Variants in AFTPH observed in about 807,000 individuals in gnomAD.
AFTPH encodes the protein aftiphilin protein.
In AFTPH, 7 loss-of-function variants were observed where a neutral mutation model predicts 72.5. The ratio of observed to expected loss-of-function variants is 0.10; its 90% CI spans 0.05 to 0.18. The LOEUF (loss-of-function observed/expected upper bound fraction) is 0.18, where lower values mean the gene tolerates loss of function less well. Among genes scored for constraint, AFTPH ranks in the 10% least tolerant of loss-of-function variants. The pLI is 1.00. For missense variants in AFTPH, 979 were observed against 1,060.5 expected (o/e 0.92, Z 1.07); for synonymous variants, 337 against 370.1 (o/e 0.91, Z 1.03).
chr2:64,573,259 CAG>C (rs1323944332), intron 6 of AFTPH, among the ~76,000 whole-genome samples, 191 bp downstream of exon 6: 1 of 151,986 alleles, frequency 6.6e-6, no homozygotes, highest in East Asian at 1.9e-4. Flanking sequence ...TTTTCAAAAA[CAG>C]AAAAGCACAA....
At chr2:64,576,757 C>CT (rs200789807) in intron 6 of AFTPH, among the ~76,000 whole-genome samples, 36 of 151,326 alleles carry the variant, frequency 2.4e-4, no homozygotes, top group African/African-American at 6.3e-4. Context: ...TCCATGCTCA[C>CT]TTTTTTTTTG....
At chr2:64,579,758 G>GTTAGGTAAAATT (rs1673055000) in intron 7 of AFTPH, 1 of 401,138 alleles carries the variant, frequency 2.5e-6, no homozygotes, top group Admixed American at 4.3e-5. Context: ...GGTAATAGTA[G>GTTAGGTAAAATT]TTAGGTAAAA....
intron 2 of AFTPH, among the ~76,000 whole-genome samples, chr2:64,566,867 A>G (rs990001615): frequency 6.6e-6 from 1 of 152,170 alleles, no homozygotes; most frequent in African/African-American, 2.4e-5. Flanking sequence ...GTAGTGTAGT[A>G]TTCTATTCAA....
At chr2:64,584,341 GATTTTTTAAATCA>G (rs897482352) in intron 7 of AFTPH, among the ~76,000 whole-genome samples, 3 of 151,974 alleles carry the variant, frequency 2.0e-5, no homozygotes, top group African/African-American at 4.8e-5. Flanking sequence ...AGATGGGGGA[GATTTTTTAAATCA>G]ATTTTTGCAA....
At chr2:64,531,529 A>G (rs529905877) in intron 1 of AFTPH, among the ~76,000 whole-genome samples, 4 of 152,216 alleles carry the variant, frequency 2.6e-5, no homozygotes, top group Admixed American at 2.0e-4. Flanking sequence ...GCTTAATGCC[A>G]TGCTCTTTTT....
At position 64,541,159 on chromosome 2, in the gene AFTPH, A is replaced by G. The variant is rs1465589990; in HGVS notation, c.-32-10284A>G. 2.0e-5 allele frequency among the ~76,000 whole-genome samples: 3 copies of G among 152,150 alleles called. No homozygotes were observed. The South Asian group carries it at 6.2e-4, about 31-fold the overall frequency. On this transcript the variant is annotated intron_variant, in intron 1 of 8. Transcript: ENST00000238856. Reference sequence around the variant, plus strand: ...ATATGATAGTATGAGGAGATAATTGAGATAACTCACGAGTTCTCTTCACAT... The same window carrying G: ...ATATGATAGTATGAGGAGATAATTGGGATAACTCACGAGTTCTCTTCACAT...
intron 7 of AFTPH, among the ~76,000 whole-genome samples, chr2:64,583,464 T>A (rs1056261590): frequency 4.6e-5 from 7 of 152,078 alleles, no homozygotes; most frequent in Admixed American, 3.3e-4. Flanking sequence ...TCTTTTTTTT[T>A]AATCTGCCTC....
chr2:64,570,527 G>GT (rs1672350375), intron 5 of AFTPH, among the ~76,000 whole-genome samples: 1 of 152,052 alleles, frequency 6.6e-6, no homozygotes, highest in Non-Finnish European at 1.5e-5. Flanking sequence ...TAGAGTTTTG[G>GT]TTTTTTTAAA....
At chr2:64,526,638 G>GA (rs1331078507) in intron 1 of AFTPH, among the ~76,000 whole-genome samples, 2 of 152,058 alleles carry the variant, frequency 1.3e-5, no homozygotes, top group Non-Finnish European at 2.9e-5. Flanking sequence ...ACACTATTTT[G>GA]AAAATCTGGC....
At chr2:64,552,814 C>T (rs758969715) in exon 2 of AFTPH, 2 of 1,614,030 alleles carry the variant, frequency 1.2e-6, no homozygotes, top group South Asian at 1.1e-5. Flanking sequence ...TCAACTCCAC[C>T]TTTTGTTACT....
chr2:64,535,158 C>T (rs1220143802), intron 1 of AFTPH, among the ~76,000 whole-genome samples: 1 of 152,122 alleles, frequency 6.6e-6, no homozygotes, highest in Admixed American at 6.6e-5. Context: ...AGTGATTTAC[C>T]TATATCAATG....
At chr2:64,529,889 C>T (rs1371614617) in intron 1 of AFTPH, among the ~76,000 whole-genome samples, 4 of 152,154 alleles carry the variant, frequency 2.6e-5, no homozygotes, top group Non-Finnish European at 5.9e-5. Context: ...CGCAGTGGCT[C>T]ACGCATGTAA....
At chr2:64,585,325 A>C (rs1454508404) in intron 7 of AFTPH, 97 bp from the exon 9 acceptor site, 1 of 1,417,644 alleles carries the variant, frequency 7.1e-7, no homozygotes, top group African/African-American at 1.4e-5. Context: ...TAAAACACTC[A>C]GATGTTTACA....
At chr2:64,592,803 G>A (rs1673900331) in exon 9 of AFTPH, 1 of 152,524 alleles carries the variant, frequency 6.6e-6, no homozygotes, top group South Asian at 2.1e-4. Context: ...AGTGTAAAAT[G>A]ACATAATCAT....
chr2:64,572,880 T>C (rs1027839144), intron 5 of AFTPH, 66 bp from the exon 6 acceptor site: 5 of 1,570,908 alleles, frequency 3.2e-6, no homozygotes, highest in Non-Finnish European at 3.5e-6. Flanking sequence ...TTCTTTCTGA[T>C]AGATTAACTT....
chr2:64,540,449 A>G (rs1391297078), intron 1 of AFTPH, among the ~76,000 whole-genome samples: 1 of 152,162 alleles, frequency 6.6e-6, no homozygotes, highest in Non-Finnish European at 1.5e-5. Flanking sequence ...TATCTTGTTT[A>G]ATTATTACAT....
chr2:64,527,258 G>A (rs1669328469), intron 1 of AFTPH, among the ~76,000 whole-genome samples: 1 of 152,074 alleles, frequency 6.6e-6, no homozygotes, highest in Admixed American at 6.5e-5. Context: ...TTCTCCCTAA[G>A]GTTTGCATGA....
chr2:64,562,836 G>T (rs1265874795), intron 2 of AFTPH, among the ~76,000 whole-genome samples: 1 of 152,136 alleles, frequency 6.6e-6, no homozygotes, highest in Non-Finnish European at 1.5e-5. Context: ...CCTGAACTGG[G>T]TTAAAATGAT....
chr2:64,564,850 T>C (rs1397547635), intron 2 of AFTPH, among the ~76,000 whole-genome samples: 3 of 151,734 alleles, frequency 2.0e-5, no homozygotes, highest in Non-Finnish European at 2.9e-5. Flanking sequence ...CTTTTTTTTT[T>C]TTTTTAAGAC....
Sources: allele counts gnomAD v4.1 joint callset (sites outside exome capture counted in the v4.1 genomes callset), GRCh38; gene constraint gnomAD v4.1.1; transcripts MANE v1.5; gene names NCBI Gene and HGNC (gene_info 2026-07-23, HGNC 2026-07-21).